SIRT5: variants seen among roughly 807,000 people sequenced by gnomAD.
SIRT5 encodes NAD-dependent protein deacylase sirtuin-5, mitochondrial.
Under a neutral mutation model 40.0 loss-of-function variants are expected in SIRT5, and 26 were observed. The observed-to-expected ratio is 0.65, with a 90% CI of 0.48 to 0.90. SIRT5 has a LOEUF of 0.90. Among genes scored for constraint, SIRT5 ranks in the 40% least tolerant of loss-of-function variants. SIRT5 has a pLI of 0.00. For synonymous variants in SIRT5, 146 were observed against 149.1 expected, an observed-to-expected ratio of 0.98 and a Z score of 0.15; for missense variants, 401 against 402.4, an observed-to-expected ratio of 1.00 and a Z score of 0.03.
intron 9 of SIRT5, chr6:13,604,857 A>C (rs1047572861): frequency 9.7e-7 from 1 of 1,031,448 alleles, no homozygotes; most frequent in African/African-American, 1.7e-5. Context: ...ATTGTCTCTA[A>C]CAAACAGGCT....
chr6:13,606,786 G>A (rs753482413), intron 9 of SIRT5, among the ~76,000 whole-genome samples: 6 of 152,068 alleles, frequency 3.9e-5, no homozygotes, highest in Non-Finnish European at 7.4e-5. Flanking sequence ...GGCTCAAGCA[G>A]TCCTCCCACC....
chr6:13,584,263 T>C (rs751999295), intron 3 of SIRT5, 38 bp downstream of exon 3: 1 of 1,426,110 alleles, frequency 7.0e-7, no homozygotes, highest in South Asian at 1.1e-5. Flanking sequence ...TGCAGCCAAA[T>C]GTGAAGTACC....
chr6:13,605,375 A>G (rs1212025082), intron 9 of SIRT5: 1 of 984,544 alleles, frequency 1.0e-6, no homozygotes, highest in Non-Finnish European at 1.2e-6. Context: ...CTTTACAGAA[A>G]AAGTTTTCTA....
At position 13,611,997 on chromosome 6, in the gene SIRT5, A is replaced by G; in HGVS notation, c.*132A>G. The stretch of plus-strand genomic sequence containing the variant: ...GCCTCTGATTCCCTCGCTGGAATCC[A>G]ACCTGTTGATAAGTGATGGGGGTTT... On this transcript the variant is annotated 3_prime_UTR_variant, in exon 10 of 10. Coordinates refer to ENST00000606117, the MANE Select transcript of SIRT5 (RefSeq NM_012241.5). 1 of 780,790 alleles carries G rather than the reference A, an allele frequency of 1.3e-6. No individual in the cohort carries two copies. Among genetic ancestry groups the G allele is most frequent in the Non-Finnish European group, 2.1e-6 (1 of 481,458 alleles). The allele number at this position is 780,790 out of a possible 1,614,324, so 48.4% of individuals were successfully genotyped here.
intron 8 of SIRT5, 28 bp from the exon 9 acceptor site, chr6:13,600,806 T>A (rs777698465): frequency 2.0e-6 from 3 of 1,525,620 alleles, no homozygotes; most frequent in Admixed American, 1.8e-5. Flanking sequence ...TCTGGCTGTT[T>A]GTTCATCTCC....
rs1212212028 is a variant in SIRT5 at position 13,599,098 on chromosome 6, T to A, written c.684T>A (p.Asp228Glu). The A allele has an allele frequency of 6.2e-7, 1 of 1,614,096 alleles. No homozygotes were observed. The highest frequency in any genetic ancestry group is 8.5e-7 in the Non-Finnish European group (1 of 1,179,996). The stretch of plus-strand genomic sequence containing the variant: ...TCGTGTGGTTTGGAGAAAACCTGGA[T>A]CCTGCCATTCTGGAGGAGGTTGACA... ...PHVVWFGENL[D>E]PAILEEVDRE... The change falls in exon 8 of 10, where the codon GAT becomes GAA. Residue 228 changes from aspartate (D) to glutamate (E), a missense_variant. By Grantham distance (45) the Asp-to-Glu change is conservative. Transcript: ENST00000606117.
intron 7 of SIRT5, among the ~76,000 whole-genome samples, chr6:13,597,886 A>G (rs951508443): frequency 6.6e-6 from 1 of 152,232 alleles, no homozygotes; most frequent in East Asian, 1.9e-4. Context: ...CAGCACTTCT[A>G]AAAGTGTTTC....
rs547299605 is a variant in SIRT5, at chr6:13,605,257, A to C, written c.857+4308A>C. 2.6e-5 allele frequency: 22 copies of C among 860,072 alleles called. No homozygotes were observed. In the South Asian group the frequency reaches 8.6e-4, roughly 33 times the overall value. The allele number at this position is 860,072 out of a possible 1,614,324, so 53.3% of individuals were successfully genotyped here. A position where few individuals can be genotyped will look rare whatever the true frequency, so the allele number is the denominator to read the frequency against. ...GTTTCATTGGAACACAGCTGTGGCC[A>C]TATGTTTGTATATTGTGTGTGGCTG... On this transcript the variant is annotated intron_variant, in intron 9 of 9. Coordinates refer to ENST00000606117, the MANE Select transcript of SIRT5 (RefSeq NM_012241.5).
intron 9 of SIRT5, among the ~76,000 whole-genome samples, chr6:13,602,402 A>C (rs1219519086): frequency 1.3e-5 from 2 of 152,102 alleles, no homozygotes; most frequent in Non-Finnish European, 2.9e-5. Flanking sequence ...TGGGAGGCTG[A>C]GGCAGGAGAA....
chr6:13,605,883 C>T (rs1189563101), intron 9 of SIRT5: 3 of 920,536 alleles, frequency 3.3e-6, no homozygotes, highest in African/African-American at 3.6e-5. Flanking sequence ...TGCCCTGCAG[C>T]CACTATGTTG....
At chr6:13,592,162 A>T (rs944804376) in intron 5 of SIRT5, among the ~76,000 whole-genome samples, 1 of 152,154 alleles carries the variant, frequency 6.6e-6, no homozygotes. Context: ...AGAGCCAGCA[A>T]CATTTGGCGT....
At position 13,613,064 on chromosome 6, in the gene SIRT5, G is replaced by C. The variant is rs149356251; in HGVS notation, c.*1199G>C. The C allele has an allele frequency of 6.6e-6, 1 of 152,462 alleles. No homozygotes were observed. Among genetic ancestry groups the C allele is most frequent in the East Asian group, 1.9e-4 (1 of 5,184 alleles). The allele number at this position is 152,462 out of a possible 1,614,324, so 9.4% of individuals were successfully genotyped here. A position where few individuals can be genotyped will look rare whatever the true frequency, so the allele number is the denominator to read the frequency against. On this transcript the variant is annotated 3_prime_UTR_variant, in exon 10 of 10. Coordinates refer to ENST00000606117, the MANE Select transcript of SIRT5 (RefSeq NM_012241.5). ...CCTGGAGCTAGTGAAGGAAACATAG[G>C]GTTTATTTGGGGAACCTTACAGGGT...
chr6:13,583,629 A>G (rs1388339820), intron 2 of SIRT5, among the ~76,000 whole-genome samples: 1 of 152,180 alleles, frequency 6.6e-6, no homozygotes, highest in African/African-American at 2.4e-5. Flanking sequence ...TTTCAAATGA[A>G]TTCTCATATT....
chr6:13,581,653 T>C (rs1291984017), intron 2 of SIRT5, among the ~76,000 whole-genome samples: 3 of 152,222 alleles, frequency 2.0e-5, no homozygotes, highest in Admixed American at 6.5e-5. Flanking sequence ...CACAATTTGT[T>C]TACCCATTTA....
At position 13,599,107 on chromosome 6, in the gene SIRT5, T is replaced by C. The variant is rs1424563363; in HGVS notation, c.693T>C (p.Ile231=). 6 of 1,614,152 alleles carry C rather than the reference T, an allele frequency of 3.7e-6. No individual in the cohort carries two copies. Among genetic ancestry groups the C allele is most frequent in the Non-Finnish European group, 5.1e-6 (6 of 1,179,998 alleles). ...VWFGENLDPA[I]LEEVDRELAH... Reference sequence around the variant, plus strand: ...TTGGAGAAAACCTGGATCCTGCCATTCTGGAGGAGGTTGACAGAGAGCTCG... The same window carrying C: ...TTGGAGAAAACCTGGATCCTGCCATCCTGGAGGAGGTTGACAGAGAGCTCG... Residue 231 remains isoleucine, a synonymous_variant, in exon 8 of 10, where the codon ATT becomes ATC. Transcript: ENST00000606117.
chr6:13,602,674 G>GCAAGA (rs1428086361), intron 9 of SIRT5, among the ~76,000 whole-genome samples: 1 of 152,086 alleles, frequency 6.6e-6, no homozygotes, highest in Admixed American at 6.6e-5. Context: ...GAAAAGAGTG[G>GCAAGA]CAAGACAATT....
chr6:13,609,493 G>A (rs1469162924), intron 9 of SIRT5, among the ~76,000 whole-genome samples: 1 of 152,142 alleles, frequency 6.6e-6, no homozygotes, highest in African/African-American at 2.4e-5. Flanking sequence ...AGTAGGCCAG[G>A]GTCCCACTTC....
At chr6:13,597,284 C>T (rs974575514) in intron 7 of SIRT5, among the ~76,000 whole-genome samples, 3 of 151,704 alleles carry the variant, frequency 2.0e-5, no homozygotes, top group African/African-American at 7.3e-5. Flanking sequence ...AGCTGTCGTG[C>T]GACAGGTGGT....
Position 13,599,090 on chromosome 6 carries a change from A to G in SIRT5, c.676A>G (p.Asn226Asp), listed in dbSNP as rs1762012717. The stretch of plus-strand genomic sequence containing the variant: ...ACCTCACGTCGTGTGGTTTGGAGAA[A>G]ACCTGGATCCTGCCATTCTGGAGGA... The part of the protein sequence containing the change: ...LRPHVVWFGE[N>D]LDPAILEEVD... The change falls in exon 8 of 10, where the codon AAC becomes GAC. Residue 226 changes from asparagine to aspartate, a missense_variant. Coordinates refer to ENST00000606117, the MANE Select transcript of SIRT5 (RefSeq NM_012241.5). 2 of 1,613,944 alleles carry G rather than the reference A, an allele frequency of 1.2e-6. No homozygotes were observed. The highest frequency in any genetic ancestry group is 2.2e-5 in the South Asian group (2 of 91,066).
Sources: gnomAD v4.1 joint callset for allele counts (sites outside exome capture counted in the v4.1 genomes callset) on GRCh38, gnomAD v4.1.1 for gene constraint, MANE v1.5 for transcripts, NCBI Gene and HGNC (gene_info 2026-07-23, HGNC 2026-07-21) for gene names.